Variants in CDC42BPA observed in about 807,000 individuals in gnomAD.
CDC42BPA encodes CDC42 binding protein kinase alpha.
CDC42BPA carries 80 observed loss-of-function variants against 223.5 expected under a neutral mutation model. That is an observed-to-expected ratio of 0.36 (90% confidence interval 0.30 to 0.43). The LOEUF is 0.43. CDC42BPA is among the 20% of genes least tolerant of loss of function. CDC42BPA has a pLI of 1.00. For synonymous variants in CDC42BPA, 694 were observed against 718.6 expected, an observed-to-expected ratio of 0.97 and a Z score of 0.55; for missense variants, 1,743 against 2,099.9, an observed-to-expected ratio of 0.83 and a Z score of 3.32.
intron 35 of CDC42BPA, among the ~76,000 whole-genome samples, chr1:227,000,117 A>G (rs1662497637): frequency 7.8e-6 from 1 of 127,876 alleles, no homozygotes; most frequent in South Asian, 2.3e-4. Flanking sequence ...TAATAATAAT[A>G]ATAATAATAA....
intron 1 of CDC42BPA, among the ~76,000 whole-genome samples, chr1:227,282,188 CAAAAAAAA>C (rs10715170): frequency 1.2e-4 from 13 of 105,670 alleles, no homozygotes; most frequent in African/African-American, 4.8e-4. Context: ...AACTCCGTCT[CAAAAAAAA>C]AAAAAAAAAA....
chr1:227,171,601 A>G (rs1666113517), intron 5 of CDC42BPA, among the ~76,000 whole-genome samples: 1 of 152,114 alleles, frequency 6.6e-6, no homozygotes, highest in South Asian at 2.1e-4. Context: ...TGGGTGACAG[A>G]GCAAGATCCT....
intron 5 of CDC42BPA, among the ~76,000 whole-genome samples, chr1:227,181,263 G>C (rs2150040433): frequency 6.6e-6 from 1 of 151,920 alleles, no homozygotes; most frequent in Admixed American, 6.5e-5. Context: ...AATTAACACA[G>C]GGAAAAAAAC....
In CDC42BPA at chr1:227,030,567, A is replaced by G. The variant is rs1415350787; in HGVS notation, c.3776-97T>C. ...AGAACATTTGGTGCAAAAAATGGAA[A>G]TAAAATGAATTACAATAACAGTTTA... On this transcript the variant is annotated intron_variant, in intron 28 of 36. Coordinates refer to ENST00000366766, the MANE Select transcript of CDC42BPA (RefSeq NM_001394014.1). The G allele has an allele frequency of 5.7e-6, 4 of 698,100 alleles. No individual in the cohort carries two copies. In the African/African-American group the frequency reaches 7.4e-5, roughly 13 times the overall value. 43.2% of individuals were successfully genotyped at this position (698,100 alleles called of 1,614,324 possible).
chr1:227,109,363 C>T (rs1472623233), intron 14 of CDC42BPA, among the ~76,000 whole-genome samples: 1 of 150,532 alleles, frequency 6.6e-6, no homozygotes, highest in Non-Finnish European at 1.5e-5. Context: ...TACAGATGTA[C>T]AAAAATGTAT....
intron 32 of CDC42BPA, among the ~76,000 whole-genome samples, chr1:227,019,548 G>A (rs139697729): frequency 1.9e-4 from 29 of 152,274 alleles, no homozygotes; most frequent in African/African-American, 7.0e-4. Flanking sequence ...ATTTTGCCCA[G>A]ATTCATCAGA....
rs1223455092 is a variant in CDC42BPA, at chr1:227,017,118, C to T, written c.4616-68G>A. On this transcript the variant is annotated intron_variant, in intron 32 of 36. Coordinates refer to ENST00000366766, the MANE Select transcript of CDC42BPA (RefSeq NM_001394014.1). Reference sequence around the variant, plus strand: ...TGTTAAAATGCTTTTTATCTATTAACCTCCAAGACAGTACAAACATTGATA... The same window carrying T: ...TGTTAAAATGCTTTTTATCTATTAATCTCCAAGACAGTACAAACATTGATA... The T allele has an allele frequency of 3.5e-6, 5 of 1,429,106 alleles. No individual in the cohort carries two copies. The South Asian group carries it at 7.0e-5, about 20-fold the overall frequency. The allele number at this position is 1,429,106 out of a possible 1,614,324, so 88.5% of individuals were successfully genotyped here. A position where few individuals can be genotyped will look rare whatever the true frequency, so the allele number is the denominator to read the frequency against.
intron 19 of CDC42BPA, among the ~76,000 whole-genome samples, 183 bp from the exon 20 acceptor site, chr1:227,072,482 T>C (rs1159887284): frequency 1.3e-5 from 2 of 151,954 alleles, no homozygotes; most frequent in Non-Finnish European, 2.9e-5. Context: ...ACAGTTTTAC[T>C]AGAACACAGC....
intron 14 of CDC42BPA, among the ~76,000 whole-genome samples, chr1:227,111,170 T>G (rs759748788): frequency 9.2e-5 from 14 of 152,174 alleles, no homozygotes; most frequent in Non-Finnish European, 1.2e-4. Flanking sequence ...TTACATGTTA[T>G]GGATAATTAG....
intron 1 of CDC42BPA, chr1:227,265,105 A>G (rs905393721): frequency 5.2e-6 from 4 of 772,072 alleles, no homozygotes; most frequent in Admixed American, 1.7e-5. Context: ...AACAGTACCA[A>G]ATTTTAACAG....
At chr1:227,310,807 C>T (rs1027018050) in intron 1 of CDC42BPA, among the ~76,000 whole-genome samples, 5 of 151,806 alleles carry the variant, frequency 3.3e-5, no homozygotes, top group Non-Finnish European at 5.9e-5. Context: ...CCACCTCAGC[C>T]TCCTGAGTAG....
intron 2 of CDC42BPA, among the ~76,000 whole-genome samples, chr1:227,247,294 A>T (rs781699575): frequency 1.3e-5 from 2 of 151,848 alleles, no homozygotes; most frequent in African/African-American, 2.4e-5. Context: ...GTCAAAGACC[A>T]GCCTGGCCAA....
At chr1:227,006,289 A>C (rs931281248) in intron 34 of CDC42BPA, among the ~76,000 whole-genome samples, 4 of 152,156 alleles carry the variant, frequency 2.6e-5, no homozygotes, top group African/African-American at 9.7e-5. Context: ...TTACTAGCCT[A>C]TTGTCAGCCA....
chr1:227,086,662 T>C (rs1252244874), intron 16 of CDC42BPA, among the ~76,000 whole-genome samples: 2 of 151,402 alleles, frequency 1.3e-5, no homozygotes, highest in Non-Finnish European at 2.9e-5. Flanking sequence ...CTGAGTTGTT[T>C]ATATTTTAAG....
chr1:227,027,727 G>GT (rs1260475219), intron 30 of CDC42BPA, among the ~76,000 whole-genome samples: 2 of 152,120 alleles, frequency 1.3e-5, no homozygotes, highest in Non-Finnish European at 2.9e-5. Flanking sequence ...GGTTAAGACT[G>GT]TATCTATTTT....
At chr1:227,054,227 A>G (rs565227319) in intron 21 of CDC42BPA, among the ~76,000 whole-genome samples, 1 of 152,338 alleles carries the variant, frequency 6.6e-6, no homozygotes, top group East Asian at 1.9e-4. Flanking sequence ...AATAGCTGAT[A>G]TAACGGCTTT....
intron 16 of CDC42BPA, among the ~76,000 whole-genome samples, chr1:227,084,865 G>A (rs1290618937): frequency 1.5e-5 from 2 of 137,526 alleles, no homozygotes; most frequent in Non-Finnish European, 1.6e-5. Context: ...TGAATTGGGA[G>A]AGTGAGAGAA....
chr1:227,033,035 T>C (rs955546676), intron 27 of CDC42BPA, among the ~76,000 whole-genome samples: 4 of 152,222 alleles, frequency 2.6e-5, no homozygotes, highest in African/African-American at 7.2e-5. Flanking sequence ...TTGAGAAACC[T>C]CACACTTATC....
chr1:227,184,974 A>G (rs1668518900), intron 5 of CDC42BPA, among the ~76,000 whole-genome samples: 3 of 152,148 alleles, frequency 2.0e-5, no homozygotes, highest in Admixed American at 2.0e-4. Context: ...TTCAAAAGGG[A>G]GAAGGCTACT....
Sources: gnomAD v4.1 joint callset for allele counts (sites outside exome capture counted in the v4.1 genomes callset) on GRCh38, gnomAD v4.1.1 for gene constraint, MANE v1.5 for transcripts, NCBI Gene and HGNC (gene_info 2026-07-23, HGNC 2026-07-21) for gene names.